ARID1B: variants seen among roughly 807,000 people sequenced by gnomAD.
ARID1B encodes AT-rich interactive domain-containing protein 1B.
Under a neutral mutation model 212.3 loss-of-function variants are expected in ARID1B, and 30 were observed. The ratio of observed to expected loss-of-function variants is 0.14; its 90% CI spans 0.11 to 0.19. The LOEUF (loss-of-function observed/expected upper bound fraction) is 0.19. Ranked by LOEUF, ARID1B falls within the 10% of genes least tolerant of loss-of-function variation. ARID1B has a pLI of 1.00. For missense variants in ARID1B, 2,891 were observed against 3,204.0 expected, an observed-to-expected ratio of 0.90 and a Z score of 2.36; for synonymous variants, 1,402 against 1,301.7, an observed-to-expected ratio of 1.08 and a Z score of -1.66.
chr6:157,053,220 G>C (rs1782722823), intron 4 of ARID1B, among the ~76,000 whole-genome samples: 1 of 152,090 alleles, frequency 6.6e-6, no homozygotes, highest in African/African-American at 2.4e-5. Flanking sequence ...CGAGTAGCTG[G>C]GATTACAGGC....
At chr6:157,108,605 G>A (rs1177603726) in intron 5 of ARID1B, among the ~76,000 whole-genome samples, 1 of 152,232 alleles carries the variant, frequency 6.6e-6, no homozygotes, top group Non-Finnish European at 1.5e-5. Flanking sequence ...TGACCCTGCA[G>A]TGAGCACACA....
intron 4 of ARID1B, among the ~76,000 whole-genome samples, chr6:157,038,799 C>T (rs1781500747): frequency 6.6e-6 from 1 of 152,140 alleles, no homozygotes. Flanking sequence ...GAGTATGCAG[C>T]AACGTTATAG....
At chr6:156,808,522 G>C (rs1028322329) in intron 1 of ARID1B, among the ~76,000 whole-genome samples, 1 of 152,310 alleles carries the variant, frequency 6.6e-6, no homozygotes, top group Admixed American at 6.5e-5. Context: ...GTCAATGCTT[G>C]TAATTCTCTT....
intron 3 of ARID1B, among the ~76,000 whole-genome samples, chr6:156,931,607 C>T (rs1362570039): frequency 6.6e-6 from 1 of 152,088 alleles, no homozygotes; most frequent in Non-Finnish European, 1.5e-5. Context: ...TCACTTGAGG[C>T]CAGTAGCTGG....
intron 7 of ARID1B, among the ~76,000 whole-genome samples, chr6:157,135,209 G>A (rs996146389): frequency 6.6e-6 from 1 of 151,830 alleles, no homozygotes; most frequent in African/African-American, 2.4e-5. Flanking sequence ...TTGGAAAACT[G>A]CTTACTCTTT....
At chr6:156,875,632 C>G (rs1293082426) in intron 2 of ARID1B, among the ~76,000 whole-genome samples, 1 of 152,228 alleles carries the variant, frequency 6.6e-6, no homozygotes, top group Non-Finnish European at 1.5e-5. Context: ...ATGCGAGTCT[C>G]TGTTCAGATT....
At chr6:156,911,341 T>G (rs76283186) in intron 3 of ARID1B, among the ~76,000 whole-genome samples, 37 of 133,826 alleles carry the variant, frequency 2.8e-4, no homozygotes, top group African/African-American at 1.4e-3. Context: ...ATAATTAGTT[T>G]TTTTTTTTTT....
intron 13 of ARID1B, 62 bp downstream of exon 13, chr6:157,184,497 C>T (rs763367168): frequency 8.2e-6 from 13 of 1,591,424 alleles, no homozygotes; most frequent in East Asian, 2.2e-5. Context: ...TGGGAGGTTC[C>T]GGGAAGGTGG....
At chr6:156,951,513 G>T (rs190185777) in intron 4 of ARID1B, among the ~76,000 whole-genome samples, 1 of 151,428 alleles carries the variant, frequency 6.6e-6, no homozygotes, top group Admixed American at 6.6e-5. Context: ...GTGCCATCTC[G>T]GCTCACTGCA....
chr6:156,902,372 A>T (rs1240914079), intron 3 of ARID1B, among the ~76,000 whole-genome samples: 1 of 152,180 alleles, frequency 6.6e-6, no homozygotes, highest in Non-Finnish European at 1.5e-5. Flanking sequence ...TGGCAAAGAG[A>T]AGGTGAACAC....
At chr6:157,059,022 G>C (rs1056915778) in intron 4 of ARID1B, among the ~76,000 whole-genome samples, 2 of 151,826 alleles carry the variant, frequency 1.3e-5, no homozygotes, top group African/African-American at 2.4e-5. Context: ...GTTTCAATGA[G>C]ATGAGTTATA....
Position 156,929,115 on chromosome 6 carries a change from C to T in ARID1B, c.2137-6351C>T, listed in dbSNP as rs527352654. Among the ~76,000 whole-genome samples, 10 of 152,164 alleles carry T rather than the reference C, an allele frequency of 6.6e-5. No individual in the cohort carries two copies. In the East Asian group the frequency reaches 1.9e-3, roughly 29 times the overall value. On this transcript the variant is annotated intron_variant, in intron 3 of 19. Transcript: ENST00000636930. The stretch of plus-strand genomic sequence containing the variant: ...GTTTTTGTTTCCTGGTAGGAAAAAA[C>T]GAGGTAACAATAGCAACTATCTTGT...
intron 1 of ARID1B, among the ~76,000 whole-genome samples, chr6:156,821,312 G>C (rs1173860993): frequency 1.3e-5 from 2 of 152,168 alleles, no homozygotes; most frequent in Non-Finnish European, 2.9e-5. Context: ...CAGCAGTGCA[G>C]GTTCTAGAAA....
chr6:157,154,001 C>G (rs1196517289), intron 8 of ARID1B, among the ~76,000 whole-genome samples: 1 of 152,174 alleles, frequency 6.6e-6, no homozygotes, highest in Non-Finnish European at 1.5e-5. Flanking sequence ...CAGATGTGCA[C>G]AGGTAGAATA....
chr6:157,121,597 A>G (rs1000776575), intron 6 of ARID1B, among the ~76,000 whole-genome samples: 2 of 146,220 alleles, frequency 1.4e-5, no homozygotes, highest in African/African-American at 2.5e-5. Flanking sequence ...TGTAAAGATT[A>G]TCTCTTTTAC....
At chr6:157,172,050 G>A (rs1583447832) in intron 9 of ARID1B, among the ~76,000 whole-genome samples, 1 of 152,154 alleles carries the variant, frequency 6.6e-6, no homozygotes, top group Admixed American at 6.5e-5. Flanking sequence ...GAATTGTTTT[G>A]GCTGTCATTC....
chr6:157,083,430 G>A (rs1306036046), intron 4 of ARID1B, among the ~76,000 whole-genome samples: 1 of 152,264 alleles, frequency 6.6e-6, no homozygotes, highest in East Asian at 1.9e-4. Flanking sequence ...CTGCTGATGG[G>A]GGCCTCCATG....
chr6:157,006,191 C>A (rs551356828), intron 4 of ARID1B, among the ~76,000 whole-genome samples: 2 of 152,320 alleles, frequency 1.3e-5, no homozygotes, highest in African/African-American at 4.8e-5. Context: ...CATCTGGAAC[C>A]ATCTCTGAGC....
intron 10 of ARID1B, chr6:157,174,457 T>C (rs933455773): frequency 2.9e-5 from 6 of 206,314 alleles, no homozygotes; most frequent in Non-Finnish European, 4.8e-5. Context: ...TATAGCTTCC[T>C]GTTTTGGCCG....
Sources: allele counts gnomAD v4.1 joint callset (sites outside exome capture counted in the v4.1 genomes callset), GRCh38; gene constraint gnomAD v4.1.1; transcripts MANE v1.5; gene names NCBI Gene and HGNC (gene_info 2026-07-23, HGNC 2026-07-21).